The following TEX36 variants were observed in gnomAD, a reference collection of about 807,000 sequenced individuals.
TEX36 encodes the protein testis expressed 36.
TEX36 carries 12 observed loss-of-function variants against 13.6 expected under a neutral mutation model. That is an observed-to-expected ratio of 0.88 (90% CI 0.56 to 1.43). TEX36 has a LOEUF of 1.43. Ranked by LOEUF, TEX36 falls within the 40% of genes most tolerant of loss-of-function variation. TEX36 has a pLI of 0.00. For synonymous variants in TEX36, 93 were observed against 83.0 expected (o/e 1.12, Z -0.65); for missense variants, 224 against 228.3 (o/e 0.98, Z 0.12).
chr10:125,647,567 A>G (rs923939068), intron 3 of TEX36, among the ~76,000 whole-genome samples: 2 of 152,248 alleles, frequency 1.3e-5, no homozygotes, highest in Non-Finnish European at 2.9e-5. Context: ...AGATGGCCGA[A>G]TAGGAACAGC....
chr10:125,680,097 T>C (rs1057414455), intron 1 of TEX36, among the ~76,000 whole-genome samples: 9 of 152,242 alleles, frequency 5.9e-5, no homozygotes, highest in Admixed American at 5.2e-4. Flanking sequence ...ATTCATTCTA[T>C]CTTCTATTTT....
intron 3 of TEX36, among the ~76,000 whole-genome samples, chr10:125,579,391 T>C (rs1489439314): frequency 6.6e-6 from 1 of 152,128 alleles, no homozygotes; most frequent in Non-Finnish European, 1.5e-5. Context: ...ATTCACTCAC[T>C]ATCATGAGAA....
chr10:125,620,133 A>G (rs1305428069), downstream of TEX36, among the ~76,000 whole-genome samples: 1 of 152,126 alleles, frequency 6.6e-6, no homozygotes, highest in East Asian at 1.9e-4. Flanking sequence ...TCAGTCCCCT[A>G]GGATTTGTCC....
intron 3 of TEX36, among the ~76,000 whole-genome samples, chr10:125,637,308 CAAA>C (rs758842533): frequency 6.0e-5 from 6 of 99,322 alleles, no homozygotes; most frequent in Non-Finnish European, 4.3e-5. Flanking sequence ...GACCCTGTCT[CAAA>C]AAAAAAAAAA....
At chr10:125,669,442 T>C (rs1847184898) in intron 1 of TEX36, among the ~76,000 whole-genome samples, 1 of 151,998 alleles carries the variant, frequency 6.6e-6, no homozygotes, top group Non-Finnish European at 1.5e-5. Context: ...ATCATGCCAT[T>C]GCACTCCAGC....
chr10:125,665,458 GC>G (rs1400355853), intron 1 of TEX36, among the ~76,000 whole-genome samples: 2 of 152,062 alleles, frequency 1.3e-5, no homozygotes, highest in Middle Eastern at 3.2e-3. Context: ...TCTTTCTTCT[GC>G]ATGTGGCTAT....
At position 125,623,674 on chromosome 10, in the gene TEX36, T is replaced by A. The variant is rs1025310019; in HGVS notation, c.265-2029A>T. On this transcript the variant is annotated intron_variant, in intron 3 of 3. Transcript: ENST00000526819. The stretch of plus-strand genomic sequence containing the variant: ...GGTGCGAGGCCCTGTACGGGACTGA[T>A]GGGTAGGTCTGAAGAGACTCTGTAA... 2.6e-5 allele frequency among the ~76,000 whole-genome samples: 4 copies of A among 151,950 alleles called. No individual in the cohort carries two copies. In the East Asian group the frequency reaches 7.8e-4, roughly 29 times the overall value.
At chr10:125,667,066 GA>G in intron 1 of TEX36, 1 of 1,334,144 alleles carries the variant, frequency 7.5e-7, no homozygotes. Flanking sequence ...GGCCATAGGA[GA>G]AGGTCACAGG....
chr10:125,654,853 T>A (rs1589775786), downstream of TEX36, among the ~76,000 whole-genome samples: 1 of 152,286 alleles, frequency 6.6e-6, no homozygotes, highest in East Asian at 1.9e-4. Flanking sequence ...TCAAAGCCAA[T>A]GCATTATTTC....
At chr10:125,620,329 T>C (rs1846414386), downstream of TEX36, among the ~76,000 whole-genome samples, 1 of 152,242 alleles carries the variant, frequency 6.6e-6, no homozygotes, top group African/African-American at 2.4e-5. Flanking sequence ...TCATTGTTGC[T>C]TTAATGGCCT....
chr10:125,592,639 C>T (rs928199545), intron 3 of TEX36, among the ~76,000 whole-genome samples: 5 of 152,082 alleles, frequency 3.3e-5, no homozygotes, highest in East Asian at 1.9e-4. Flanking sequence ...CTAGAGATGG[C>T]ATCAGATCCC....
rs35828943 is a variant in TEX36 at position 125,608,972 on chromosome 10, TA to T, written c.265-32099del. Among the ~76,000 whole-genome samples, 464 of 83,326 alleles carry T rather than the reference TA, an allele frequency of 5.6e-3. 3 individuals are homozygous for T. Among genetic ancestry groups the T allele is most frequent in the Admixed American group, 0.026 (188 of 7,294 alleles). 54.7% of individuals were successfully genotyped at this position (83,326 alleles called of 152,430 possible). The stretch of plus-strand genomic sequence containing the variant: ...CAACATGGTGAAACCCCACCTCTAC[TA>T]AAAAAAAAAAAAAAAAAAGAAAGAA... On this transcript the variant is annotated intron_variant, in intron 3 of 3. Coordinates refer to the TEX36 transcript ENST00000532135.
At chr10:125,589,133 A>G (rs746911375) in intron 3 of TEX36, among the ~76,000 whole-genome samples, 4 of 152,166 alleles carry the variant, frequency 2.6e-5, no homozygotes, top group Non-Finnish European at 5.9e-5. Context: ...AACCATCTCT[A>G]TTTCTTTTTT....
At chr10:125,595,628 G>T (rs1846073101) in intron 3 of TEX36, among the ~76,000 whole-genome samples, 1 of 152,130 alleles carries the variant, frequency 6.6e-6, no homozygotes, top group Non-Finnish European at 1.5e-5. Flanking sequence ...CCCCCTTCCA[G>T]CTCCCCAAGC....
intron 3 of TEX36, among the ~76,000 whole-genome samples, chr10:125,601,043 T>C (rs970372161): frequency 6.6e-5 from 10 of 152,246 alleles, no homozygotes; most frequent in Admixed American, 1.3e-4. Context: ...TTGGCATGCA[T>C]AAGTGTTGAT....
intron 3 of TEX36, among the ~76,000 whole-genome samples, chr10:125,582,645 C>A (rs568277841): frequency 6.6e-6 from 1 of 152,240 alleles, no homozygotes; most frequent in Non-Finnish European, 1.5e-5. Context: ...CTAAAGGCAC[C>A]AATTCATCAT....
At chr10:125,650,717 C>CTT (rs1019176092), downstream of TEX36, among the ~76,000 whole-genome samples, 25 of 152,040 alleles carry the variant, frequency 1.6e-4, no homozygotes, top group Non-Finnish European at 2.4e-4. Flanking sequence ...CAGGAACTGG[C>CTT]TTTTTGAAAA....
chr10:125,599,988 A>T (rs184906128), intron 3 of TEX36, among the ~76,000 whole-genome samples: 5 of 152,284 alleles, frequency 3.3e-5, no homozygotes, highest in Admixed American at 2.6e-4. Context: ...GGAATTGGAA[A>T]GCTTCAGTCC....
At chr10:125,660,482 T>C (rs1847017351) in intron 3 of TEX36, among the ~76,000 whole-genome samples, 1 of 152,212 alleles carries the variant, frequency 6.6e-6, no homozygotes, top group African/African-American at 2.4e-5. Context: ...ATGTAACCAC[T>C]AAAGCATTTA....
Sources: allele counts gnomAD v4.1 joint callset (sites outside exome capture counted in the v4.1 genomes callset), GRCh38; gene constraint gnomAD v4.1.1; transcripts MANE v1.5; gene names NCBI Gene and HGNC (gene_info 2026-07-23, HGNC 2026-07-21).